LRRTM4: variants seen among roughly 807,000 people sequenced by gnomAD.
LRRTM4 encodes the protein leucine rich repeat transmembrane neuronal 4.
Under a neutral mutation model 47.6 loss-of-function variants are expected in LRRTM4, and 25 were observed. The observed-to-expected ratio is 0.53, with a 90% CI of 0.38 to 0.73. The LOEUF (loss-of-function observed/expected upper bound fraction) is 0.73. LRRTM4 is among the 30% of genes least tolerant of loss of function. LRRTM4 has a pLI of 0.00. For synonymous variants in LRRTM4, 311 were observed against 269.5 expected (o/e 1.15, Z -1.51); for missense variants, 638 against 713.4 (o/e 0.89, Z 1.20).
intron 3 of LRRTM4, among the ~76,000 whole-genome samples, chr2:77,215,997 G>T (rs968323885): frequency 2.0e-5 from 3 of 152,152 alleles, no homozygotes; most frequent in Admixed American, 1.3e-4. Flanking sequence ...ATTCTTTGCT[G>T]TGCTACCTGC....
At chr2:77,013,888 T>C (rs1370764494) in intron 3 of LRRTM4, among the ~76,000 whole-genome samples, 1 of 152,224 alleles carries the variant, frequency 6.6e-6, no homozygotes, top group East Asian at 1.9e-4. Context: ...GGTTACCTAA[T>C]TTCTCAGTGC....
intron 3 of LRRTM4, among the ~76,000 whole-genome samples, chr2:76,750,932 T>C (rs1462346516): frequency 6.6e-6 from 1 of 152,214 alleles, no homozygotes. Flanking sequence ...TAGTAGGTTA[T>C]GAAATCAATT....
chr2:76,796,792 C>A (rs962670112), intron 3 of LRRTM4, among the ~76,000 whole-genome samples: 1 of 152,020 alleles, frequency 6.6e-6, no homozygotes. Flanking sequence ...TCACCATCAA[C>A]AGAACGAATG....
intron 3 of LRRTM4, among the ~76,000 whole-genome samples, chr2:77,496,209 T>G (rs2104061713): frequency 6.6e-6 from 1 of 152,114 alleles, no homozygotes; most frequent in East Asian, 1.9e-4. Flanking sequence ...ATAAACTTGC[T>G]AAACTCACAT....
At chr2:76,767,932 C>T (rs1390460128) in intron 3 of LRRTM4, among the ~76,000 whole-genome samples, 1 of 152,060 alleles carries the variant, frequency 6.6e-6, no homozygotes, top group Admixed American at 6.6e-5. Flanking sequence ...AAGCCTATTC[C>T]TGGGATTTAA....
chr2:77,445,281 A>T (rs1676008850), intron 3 of LRRTM4, among the ~76,000 whole-genome samples: 1 of 151,718 alleles, frequency 6.6e-6, no homozygotes, highest in African/African-American at 2.4e-5. Flanking sequence ...TTGTAGTGGG[A>T]ATTACATGAA....
intron 3 of LRRTM4, among the ~76,000 whole-genome samples, chr2:77,010,740 T>C (rs1677841956): frequency 6.6e-6 from 1 of 152,154 alleles, no homozygotes; most frequent in Non-Finnish European, 1.5e-5. Flanking sequence ...AAAAAGTGGC[T>C]GATACTTAGA....
chr2:76,805,888 T>A (rs1675939123), intron 3 of LRRTM4, among the ~76,000 whole-genome samples: 1 of 152,122 alleles, frequency 6.6e-6, no homozygotes, highest in Admixed American at 6.6e-5. Flanking sequence ...GAGGTGCTGT[T>A]TTCCCTTAGG....
chr2:77,187,509 G>A (rs1332067699), intron 3 of LRRTM4, among the ~76,000 whole-genome samples: 1 of 151,472 alleles, frequency 6.6e-6, no homozygotes, highest in Non-Finnish European at 1.5e-5. Context: ...AGCATTAGGA[G>A]ATATACCTAA....
chr2:76,979,147 A>C (rs77686234), intron 3 of LRRTM4, among the ~76,000 whole-genome samples: 5,727 of 152,090 alleles, frequency 0.038, 247 homozygotes, highest in East Asian at 0.14. Flanking sequence ...AGATTCTAGC[A>C]TTATCAGACA....
intron 3 of LRRTM4, among the ~76,000 whole-genome samples, chr2:77,178,316 G>A (rs565944133): frequency 3.3e-5 from 5 of 152,158 alleles, no homozygotes; most frequent in East Asian, 1.9e-4. Flanking sequence ...TGCTGGGCGC[G>A]GTGGCTCATG....
chr2:76,844,986 T>C (rs1306066853), intron 3 of LRRTM4, among the ~76,000 whole-genome samples: 1 of 152,152 alleles, frequency 6.6e-6, no homozygotes, highest in Non-Finnish European at 1.5e-5. Flanking sequence ...ATTGCAAATA[T>C]GAATTCATTT....
chr2:77,444,718 T>G (rs1169378367), intron 3 of LRRTM4, among the ~76,000 whole-genome samples: 1 of 152,074 alleles, frequency 6.6e-6, no homozygotes, highest in East Asian at 1.9e-4. Flanking sequence ...ACAGGAGTGT[T>G]TATTAAACTC....
At chr2:77,345,836 G>A (rs1036362607) in intron 3 of LRRTM4, among the ~76,000 whole-genome samples, 20 of 151,254 alleles carry the variant, frequency 1.3e-4, no homozygotes, top group South Asian at 4.2e-4. Flanking sequence ...ATATATGTGT[G>A]TGTATATATA....
At chr2:77,003,544 G>A (rs1036589132) in intron 3 of LRRTM4, among the ~76,000 whole-genome samples, 14 of 152,216 alleles carry the variant, frequency 9.2e-5, no homozygotes, top group Admixed American at 5.2e-4. Context: ...TTTGCCTGCC[G>A]CCATGTAAGA....
At chr2:77,218,348 G>T (rs984016286) in intron 3 of LRRTM4, among the ~76,000 whole-genome samples, 18 of 151,890 alleles carry the variant, frequency 1.2e-4, no homozygotes, top group Non-Finnish European at 5.9e-5. Context: ...AGTTATTTTG[G>T]TTATGTTATG....
intron 3 of LRRTM4, among the ~76,000 whole-genome samples, chr2:77,206,892 T>C (rs1674142363): frequency 6.6e-6 from 1 of 152,000 alleles, no homozygotes; most frequent in Non-Finnish European, 1.5e-5. Flanking sequence ...GTGGGTCACA[T>C]TTCACATCAA....
intron 3 of LRRTM4, among the ~76,000 whole-genome samples, chr2:77,301,271 A>G (rs1441486186): frequency 1.3e-5 from 2 of 152,128 alleles, no homozygotes; most frequent in Non-Finnish European, 2.9e-5. Context: ...GGAATTTGTT[A>G]TTTTGAGTTT....
At chr2:77,034,139 C>G (rs1573478930) in intron 3 of LRRTM4, among the ~76,000 whole-genome samples, 1 of 151,726 alleles carries the variant, frequency 6.6e-6, no homozygotes, top group Non-Finnish European at 1.5e-5. Flanking sequence ...GATTTCAAAG[C>G]ATTTTCAAAA....
Sources: gnomAD v4.1 joint callset for allele counts (sites outside exome capture counted in the v4.1 genomes callset) on GRCh38, gnomAD v4.1.1 for gene constraint, MANE v1.5 for transcripts, NCBI Gene and HGNC (gene_info 2026-07-23, HGNC 2026-07-21) for gene names.